PDE12: variants seen among roughly 807,000 people sequenced by gnomAD.
PDE12 encodes the protein phosphodiesterase 12.
Under a neutral mutation model 45.4 loss-of-function variants are expected in PDE12, and 26 were observed. The observed-to-expected ratio is 0.57, with a 90% CI of 0.42 to 0.79. The LOEUF (loss-of-function observed/expected upper bound fraction) is 0.79, where lower values mean the gene tolerates loss of function less well. PDE12 is among the 30% of genes least tolerant of loss of function. The pLI, the probability that PDE12 is intolerant of heterozygous loss-of-function variation, is 0.00. For missense variants in PDE12, 668 were observed against 790.0 expected, an observed-to-expected ratio of 0.85 and a Z score of 1.85; for synonymous variants, 283 against 323.9, an observed-to-expected ratio of 0.87 and a Z score of 1.36.
At chr3:57,568,157 G>A (rs372579663), downstream of PDE12, among the ~76,000 whole-genome samples, 5 of 151,334 alleles carry the variant, frequency 3.3e-5, no homozygotes, top group African/African-American at 1.2e-4. Context: ...CAAAGAACCA[G>A]GTATTTCACA....
chr3:57,572,427 A>C, the PDE12 span: 2 of 664,002 alleles, frequency 3.0e-6, no homozygotes, highest in Non-Finnish European at 5.0e-6. Flanking sequence ...CCCATATTTA[A>C]AGCTACTTCT....
At chr3:57,583,916 A>G in the PDE12 span, 6 of 1,599,256 alleles carry the variant, frequency 3.8e-6, no homozygotes, top group Non-Finnish European at 5.1e-6. Flanking sequence ...TCTGGAAGTA[A>G]TGCTTCCAGA....
the PDE12 span, among the ~76,000 whole-genome samples, chr3:57,613,797 A>T: frequency 1.4e-5 from 2 of 145,398 alleles, no homozygotes; most frequent in Non-Finnish European, 3.0e-5. Context: ...GCTACTTGGG[A>T]GGCTGAGGCA....
At chr3:57,590,710 G>C in the PDE12 span, among the ~76,000 whole-genome samples, 1 of 151,848 alleles carries the variant, frequency 6.6e-6, no homozygotes, top group East Asian at 1.9e-4. Flanking sequence ...ACAGGGTCTC[G>C]ATCTGTCACC....
rs1425083030 is a variant in PDE12, at chr3:57,556,494, G to A, written c.115G>A (p.Val39Ile). The change falls in exon 1 of 3, where the codon GTA becomes ATA. Residue 39 changes from valine (V) to isoleucine (I), a missense_variant. Physicochemically the swap from Val to Ile is conservative, Grantham distance 29. This residue lies in a region of PDE12 where 580 missense variants were observed against 662.9 expected (regional missense o/e 0.87). Transcript: ENST00000311180. This position sits in a 1 kb window ranked among gnomAD's most constrained non-coding sequence, Gnocchi z 5.0. ...AGCGGCGGGAGCGATGGAGCGCGCT[G>A]TAGTGCGCTGCGTACCTTCGGAACC... ...QTAAGAMERA[V>I]VRCVPSEPKL... is the part of the protein sequence containing the mutation. 2 of 1,613,192 alleles carry A rather than the reference G, an allele frequency of 1.2e-6. No individual in the cohort carries two copies. Among genetic ancestry groups the A allele is most frequent in the South Asian group, 1.1e-5 (1 of 91,078 alleles).
rs1003713696 is a variant in PDE12 at position 57,561,281 on chromosome 3, A to G, written c.*1277A>G. On this transcript the variant is annotated 3_prime_UTR_variant, in exon 3 of 3. Coordinates refer to ENST00000311180, the MANE Select transcript of PDE12 (RefSeq NM_177966.7). Reference sequence around the variant, plus strand: ...TGGATGAATCATTGAGCATTTCTACACTAGAAGTAATTTCAAAATTGTTGG... The same window carrying G: ...TGGATGAATCATTGAGCATTTCTACGCTAGAAGTAATTTCAAAATTGTTGG... The G allele has an allele frequency of 3.0e-6, 3 of 985,412 alleles. No individual in the cohort carries two copies. The African/African-American group carries it at 5.2e-5, about 17-fold the overall frequency. The allele number at this position is 985,412 out of a possible 1,614,324, so 61.0% of individuals were successfully genotyped here.
Position 57,556,421 on chromosome 3 carries a change from C to T in PDE12, c.42C>T (p.Ile14=), listed in dbSNP as rs2069658868. 13 of 1,609,442 alleles carry T rather than the reference C, an allele frequency of 8.1e-6. No homozygotes were observed. Among genetic ancestry groups the T allele is most frequent in the Non-Finnish European group, 1.1e-5 (13 of 1,178,182 alleles). Reference sequence around the variant, plus strand: ...GCGCCCGCGCCGCGCTTCGGGTGATCCGGACGGCGGTGGAGAAGCTGAGCC... The same window carrying T: ...GCGCCCGCGCCGCGCTTCGGGTGATTCGGACGGCGGTGGAGAAGCTGAGCC... ...LPGARAALRV[I]RTAVEKLSRA... The change falls in exon 1 of 3, where the codon ATC becomes ATT. Residue 14 remains isoleucine (I), a synonymous_variant. Transcript: ENST00000311180. This position sits in a 1 kb window ranked among gnomAD's most constrained non-coding sequence, Gnocchi z 5.0.
chr3:57,587,668 T>C, the PDE12 span, among the ~76,000 whole-genome samples: 1 of 152,144 alleles, frequency 6.6e-6, no homozygotes, highest in African/African-American at 2.4e-5. Flanking sequence ...TTTAAATATA[T>C]AATATTTTAC....
chr3:57,642,313 CA>C, the PDE12 span, among the ~76,000 whole-genome samples: 14,770 of 67,298 alleles, frequency 0.22, 538 homozygotes, highest in East Asian at 0.4. Flanking sequence ...GACTCTGTCT[CA>C]AAAAAAAAAA....
chr3:57,640,097 C>T, the PDE12 span, among the ~76,000 whole-genome samples: 9 of 151,316 alleles, frequency 5.9e-5, no homozygotes, highest in Admixed American at 1.3e-4. Context: ...GGTGAAACCC[C>T]GTCTCTACTA....
chr3:57,571,674 T>G (rs1217352750), downstream of PDE12: 1 of 152,826 alleles, frequency 6.5e-6, no homozygotes, highest in African/African-American at 2.4e-5. Context: ...TAAGTTTGGC[T>G]GATGTAGGCC....
In PDE12 at chr3:57,560,786, T is replaced by G; in HGVS notation, c.*782T>G. On this transcript the variant is annotated 3_prime_UTR_variant, in exon 3 of 3. Transcript: ENST00000311180. ...TGTATTTAAGTTAAGGGTGAGAGAC[T>G]TAAGTTATAGGTGACCTTAGAGACC... 1.0e-6 allele frequency: 1 copy of G among 985,672 alleles called. No individual in the cohort carries two copies. 61.1% of individuals were successfully genotyped at this position (985,672 alleles called of 1,614,324 possible).
At chr3:57,635,619 T>G in the PDE12 span, among the ~76,000 whole-genome samples, 2 of 152,218 alleles carry the variant, frequency 1.3e-5, no homozygotes, top group Admixed American at 1.3e-4. Flanking sequence ...AATGCCTTTG[T>G]TTAAATAGTT....
At chr3:57,615,491 C>T in the PDE12 span, among the ~76,000 whole-genome samples, 1 of 152,020 alleles carries the variant, frequency 6.6e-6, no homozygotes, top group Non-Finnish European at 1.5e-5. Context: ...CCAAAGTAAA[C>T]AAAAGAAAGA....
Position 57,557,492 on chromosome 3 carries a change from G to A in PDE12, c.1113G>A (p.Glu371=). The part of the protein sequence containing the change: ...LVPALEAFGL[E]GVFRIKQHEG... ...CCGCCCTAGAGGCCTTCGGGCTCGA[G>A]GGGGTGTTTCGAATCAAGCAGCACG... The change falls in exon 1 of 3, where the codon GAG becomes GAA. Residue 371 remains glutamate (E), a synonymous_variant. Coordinates refer to ENST00000311180, the MANE Select transcript of PDE12 (RefSeq NM_177966.7). 1 of 1,614,066 alleles carries A rather than the reference G, an allele frequency of 6.2e-7. No homozygotes were observed. Among genetic ancestry groups the A allele is most frequent in the Admixed American group, 1.7e-5 (1 of 59,998 alleles).
the PDE12 span, chr3:57,575,453 G>A: frequency 1.6e-6 from 2 of 1,247,590 alleles, no homozygotes; most frequent in Non-Finnish European, 2.2e-6. Flanking sequence ...TTTGTCCAAA[G>A]GAGATAATAA....
chr3:57,591,627 C>T, the PDE12 span, among the ~76,000 whole-genome samples: 1 of 152,038 alleles, frequency 6.6e-6, no homozygotes, highest in South Asian at 2.1e-4. Flanking sequence ...CCACCACACC[C>T]GGCTAATTTT....
chr3:57,556,711 C>G lies in PDE12; in HGVS notation c.332C>G (p.Pro111Arg). 1.9e-6 allele frequency: 3 copies of G among 1,596,268 alleles called. No individual in the cohort carries two copies. Among genetic ancestry groups the G allele is most frequent in the South Asian group, 1.1e-5 (1 of 89,432 alleles). ...AGCGGCGGTGCGGCCTGTTCAGGGCCGGGGCCTGAGCCGGCTGTGTTCTGC... is the reference window on the plus strand; with the variant it reads ...AGCGGCGGTGCGGCCTGTTCAGGGCGGGGGCCTGAGCCGGCTGTGTTCTGC... ...NASGGAACSG[P>R]GPEPAVFCEP... Residue 111 changes from proline to arginine, a missense_variant, in exon 1 of 3, where the codon CCG becomes CGG. Pro to Arg is a moderately radical substitution (Grantham distance 103). Around this residue, in one of 3 missense-constraint regions of PDE12, gnomAD observed 580 missense variants for 662.9 expected, o/e 0.87. Coordinates refer to ENST00000311180, the MANE Select transcript of PDE12 (RefSeq NM_177966.7). This position sits in a 1 kb window ranked among gnomAD's most constrained non-coding sequence, Gnocchi z 5.0.
the PDE12 span, among the ~76,000 whole-genome samples, chr3:57,594,312 G>C: frequency 1.3e-5 from 2 of 151,888 alleles, no homozygotes; most frequent in South Asian, 4.2e-4. Context: ...TGTTGACCAG[G>C]CTGGCCTCAA....
Sources: allele counts gnomAD v4.1 joint callset (sites outside exome capture counted in the v4.1 genomes callset), GRCh38; gene constraint gnomAD v4.1.1; regional missense constraint gnomAD v4.1.1; non-coding constraint Gnocchi (gnomAD v3.1); transcripts MANE v1.5; gene names NCBI Gene and HGNC (gene_info 2026-07-23, HGNC 2026-07-21).